ANKRD55: variants seen among roughly 807,000 people sequenced by gnomAD.
ANKRD55 encodes the protein ankyrin repeat domain 55.
In ANKRD55, 41 loss-of-function variants were observed where a neutral mutation model predicts 60.6. The observed-to-expected ratio is 0.68, with a 90% CI of 0.53 to 0.88. The LOEUF (loss-of-function observed/expected upper bound fraction) is 0.88, where lower values mean the gene tolerates loss of function less well. Among genes scored for constraint, ANKRD55 ranks in the 40% least tolerant of loss-of-function variants. The probability of loss-of-function intolerance (pLI) is 0.00; values close to 1 mark genes in which losing one functional copy is unlikely to be tolerated. For synonymous variants in ANKRD55, 264 were observed against 290.3 expected, an observed-to-expected ratio of 0.91 and a Z score of 0.92; for missense variants, 732 against 767.6, an observed-to-expected ratio of 0.95 and a Z score of 0.55.
At chr5:56,167,563 C>T (rs1314871092) in intron 5 of ANKRD55, among the ~76,000 whole-genome samples, 1 of 152,192 alleles carries the variant, frequency 6.6e-6, no homozygotes, top group Non-Finnish European at 1.5e-5. Flanking sequence ...TCAATCTTAA[C>T]TTTTTGGGAT....
intron 2 of ANKRD55, among the ~76,000 whole-genome samples, chr5:56,187,327 C>T (rs1284194787): frequency 2.6e-5 from 4 of 152,204 alleles, no homozygotes; most frequent in Non-Finnish European, 5.9e-5. Context: ...TAGGCAAAAA[C>T]AGGAGGTAAA....
intron 4 of ANKRD55, among the ~76,000 whole-genome samples, chr5:56,172,842 G>C (rs1055389921): frequency 1.1e-4 from 16 of 152,146 alleles, no homozygotes; most frequent in African/African-American, 3.6e-4. Flanking sequence ...GGTCCTTCTT[G>C]TTGTATCCAA....
At chr5:56,150,048 C>G (rs1358623353) in intron 6 of ANKRD55, among the ~76,000 whole-genome samples, 1 of 152,072 alleles carries the variant, frequency 6.6e-6, no homozygotes, top group African/African-American at 2.4e-5. Flanking sequence ...ACCATATTGG[C>G]CAGGCTGGTC....
intron 10 of ANKRD55, among the ~76,000 whole-genome samples, chr5:56,110,024 C>T (rs1362365901): frequency 4.0e-5 from 6 of 151,066 alleles, no homozygotes; most frequent in Non-Finnish European, 8.8e-5. Flanking sequence ...GCACTCTAGC[C>T]TGGGCGACAG....
intron 2 of ANKRD55, among the ~76,000 whole-genome samples, chr5:56,196,182 ATTAGG>A (rs768935378): frequency 7.9e-5 from 12 of 152,158 alleles, no homozygotes; most frequent in Non-Finnish European, 1.6e-4. Context: ...TCATCTGTAA[ATTAGG>A]GATGATAATA....
chr5:56,139,085 C>CA (rs1554038821), intron 7 of ANKRD55, among the ~76,000 whole-genome samples: 1 of 89,674 alleles, frequency 1.1e-5, no homozygotes, highest in Non-Finnish European at 2.3e-5. Flanking sequence ...GTCAGTGGGG[C>CA]GGGGGGGCAG....
At chr5:56,185,429 G>C (rs532781756) in intron 2 of ANKRD55, among the ~76,000 whole-genome samples, 4 of 152,302 alleles carry the variant, frequency 2.6e-5, no homozygotes, top group Admixed American at 2.6e-4. Context: ...CACTTTGGGA[G>C]GCTGAGGTGG....
chr5:56,100,050 C>T lies in ANKRD55; in HGVS notation c.*133G>A, dbSNP rs575941270. 140 of 1,191,872 alleles carry T rather than the reference C, an allele frequency of 1.2e-4. No individual in the cohort carries two copies. Among genetic ancestry groups the T allele is most frequent in the Non-Finnish European group, 1.5e-4 (124 of 839,094 alleles). 73.8% of individuals were successfully genotyped at this position (1,191,872 alleles called of 1,614,324 possible). A position where few individuals can be genotyped will look rare whatever the true frequency, so the allele number is the denominator to read the frequency against. On this transcript the variant is annotated 3_prime_UTR_variant, in exon 12 of 12. Transcript: ENST00000341048. Reference sequence around the variant, plus strand: ...TATCTTTATTTGGAATAAAGAATTTCGAGTTATAAAACTGATGGCTTATAG... The same window carrying T: ...TATCTTTATTTGGAATAAAGAATTTTGAGTTATAAAACTGATGGCTTATAG...
chr5:56,103,549 C>A (rs1297026519), intron 10 of ANKRD55, among the ~76,000 whole-genome samples: 1 of 152,082 alleles, frequency 6.6e-6, no homozygotes, highest in Non-Finnish European at 1.5e-5. Context: ...TCCCTGCTTC[C>A]CCACTTTTCA....
chr5:56,132,106 G>C (rs1047556289), intron 7 of ANKRD55, among the ~76,000 whole-genome samples: 1 of 151,750 alleles, frequency 6.6e-6, no homozygotes, highest in Non-Finnish European at 1.5e-5. Context: ...GAAGGAATTA[G>C]AATCATTTAG....
intron 2 of ANKRD55, among the ~76,000 whole-genome samples, chr5:56,214,051 C>A (rs112255378): frequency 0.014 from 2,066 of 152,278 alleles, 54 homozygotes; most frequent in African/African-American, 0.047. Flanking sequence ...GGCAAGAGAG[C>A]TTGTGCAGGG....
At chr5:56,136,975 G>A in intron 7 of ANKRD55, 1 of 584,696 alleles carries the variant, frequency 1.7e-6, no homozygotes, top group South Asian at 1.7e-5. Flanking sequence ...GCTAATCTGT[G>A]AAAATGATTC....
chr5:56,212,082 A>T (rs1234205020), intron 2 of ANKRD55, among the ~76,000 whole-genome samples: 1 of 103,160 alleles, frequency 9.7e-6, no homozygotes, highest in African/African-American at 3.5e-5. Flanking sequence ...ACACACACAC[A>T]CACACACGCG....
At chr5:56,107,862 T>C (rs1030809448) in intron 10 of ANKRD55, among the ~76,000 whole-genome samples, 2 of 149,888 alleles carry the variant, frequency 1.3e-5, no homozygotes, top group African/African-American at 2.4e-5. Context: ...TTTCATGTGA[T>C]AGCAATAAAC....
Position 56,112,511 on chromosome 5 carries a change from A to AAAAAAAAAAAAAAACAAAAAAAAAAC in ANKRD55, c.966-730_966-729insGTTTTTTTTTTGTTTTTTTTTTTTTT. On this transcript the variant is annotated intron_variant, in intron 9 of 11. Transcript: ENST00000341048. ...GCAGGATCTCATCTCTAGCAAAAAA[A>AAAAAAAAAAAAAAACAAAAAAAAAAC]AAAAAAAAAAACAACCAAGGAAAGA... 2.5e-5 allele frequency among the ~76,000 whole-genome samples: 2 copies of AAAAAAAAAAAAAAACAAAAAAAAAAC among 81,528 alleles called. 1 individual carries two copies. Among genetic ancestry groups the AAAAAAAAAAAAAAACAAAAAAAAAAC allele is most frequent in the African/African-American group, 1.1e-4 (2 of 18,514 alleles). 53.5% of individuals were successfully genotyped at this position (81,528 alleles called of 152,430 possible).
chr5:56,105,103 TG>T (rs1403817136), intron 10 of ANKRD55, among the ~76,000 whole-genome samples: 5 of 150,888 alleles, frequency 3.3e-5, no homozygotes, highest in Non-Finnish European at 5.9e-5. Flanking sequence ...TTTTTTTTTT[TG>T]GAGACAGTGT....
In ANKRD55 at chr5:56,111,299, T is replaced by A; in HGVS notation, c.1449A>T (p.Arg483Ser). Residue 483 changes from arginine (R) to serine (S), a missense_variant, in exon 10 of 12, where the codon AGA (arginine) becomes AGT (serine). This residue lies in a region of ANKRD55 where 597 missense variants were observed against 607.5 expected (regional missense o/e 0.98). Transcript: ENST00000341048. ...TATCTAGTAACATCTGGCAGCCAGT[T>A]CTGTTATTTAATAAATCCTGCTCAC... ...SRSEQDLLNN[R>S]TGCQMLLDNP... 1 of 1,614,142 alleles carries A rather than the reference T, an allele frequency of 6.2e-7. No homozygotes were observed. The highest frequency in any genetic ancestry group is 8.5e-7 in the Non-Finnish European group (1 of 1,180,024).
chr5:56,144,120 GC>G (rs1325505258), intron 6 of ANKRD55, among the ~76,000 whole-genome samples, 191 bp from the exon 7 acceptor site: 1 of 152,204 alleles, frequency 6.6e-6, no homozygotes, highest in African/African-American at 2.4e-5. Flanking sequence ...TGCCAGGCAA[GC>G]AGTTGTTCAG....
At chr5:56,125,021 A>G (rs1012632704) in intron 8 of ANKRD55, among the ~76,000 whole-genome samples, 1 of 152,080 alleles carries the variant, frequency 6.6e-6, no homozygotes, top group African/African-American at 2.4e-5. Context: ...CCTTAGTTTT[A>G]CTTTCCACCA....
Sources: allele counts gnomAD v4.1 joint callset (sites outside exome capture counted in the v4.1 genomes callset), GRCh38; gene constraint gnomAD v4.1.1; regional missense constraint gnomAD v4.1.1; transcripts MANE v1.5; gene names NCBI Gene and HGNC (gene_info 2026-07-23, HGNC 2026-07-21).